Variants in TMEM201 observed in about 807,000 individuals in gnomAD.
TMEM201 encodes the protein transmembrane protein 201, also known as RP13-15M17.2.
TMEM201 carries 26 observed loss-of-function variants against 63.4 expected under a neutral mutation model. That is an observed-to-expected ratio of 0.41 (90% CI 0.30 to 0.57). The LOEUF (loss-of-function observed/expected upper bound fraction) is 0.57. Ranked by LOEUF, TMEM201 falls within the 20% of genes least tolerant of loss-of-function variation. The pLI, the probability that TMEM201 is intolerant of heterozygous loss-of-function variation, is 0.29. For missense variants in TMEM201, 794 were observed against 917.7 expected, an observed-to-expected ratio of 0.87 and a Z score of 1.74; for synonymous variants, 417 against 421.6, an observed-to-expected ratio of 0.99 and a Z score of 0.14.
chr1:9,613,080 C>T lies in TMEM201; in HGVS notation c.1998C>T (p.Arg666=), dbSNP rs1379757340. 1.3e-6 allele frequency: 2 copies of T among 1,550,580 alleles called. No individual in the cohort carries two copies. Among genetic ancestry groups the T allele is most frequent in the East Asian group, 2.4e-5 (1 of 40,934 alleles). The part of the protein sequence containing the change: ...FTSVFLYQSL[R] ...CGGTGTTTCTGTACCAGAGCCTGCG[C>T]TGACCCACCGTTGGAGCCCCTCGGA... Residue 666 remains arginine (R), a synonymous_variant, in exon 11 of 11, where the codon CGC becomes CGT. Coordinates refer to ENST00000340381, the MANE Select transcript of TMEM201 (RefSeq NM_001130924.3).
rs1046283000 is a variant in TMEM201 at position 9,603,663 on chromosome 1, G to A, written c.1160+1391G>A. The A allele has an allele frequency of 3.0e-6, 3 of 985,368 alleles. No homozygotes were observed. Among genetic ancestry groups the A allele is most frequent in the African/African-American group, 3.5e-5 (2 of 57,232 alleles). The allele number at this position is 985,368 out of a possible 1,614,324, so 61.0% of individuals were successfully genotyped here. The stretch of plus-strand genomic sequence containing the variant: ...ACCTGGGTCTGCCGGGATGGGTTGG[G>A]GGGGCAGGTGCCAGGCCTCACTGCT... On this transcript the variant is annotated intron_variant, in intron 6 of 10. Coordinates refer to ENST00000340381, the MANE Select transcript of TMEM201 (RefSeq NM_001130924.3). The surrounding 1 kb of genome is among the most constrained non-coding windows in gnomAD (Gnocchi z 4.5).
chr1:9,590,506 C>A (rs1643902266), intron 1 of TMEM201, among the ~76,000 whole-genome samples: 1 of 152,172 alleles, frequency 6.6e-6, no homozygotes, highest in Non-Finnish European at 1.5e-5. Context: ...GCTCACTGTG[C>A]CACACACTGC....
rs1399403685 is a variant in TMEM201 at position 9,611,833 on chromosome 1, A to G, written c.1846A>G (p.Thr616Ala). 7 of 1,550,374 alleles carry G rather than the reference A, an allele frequency of 4.5e-6. No individual in the cohort carries two copies. The highest frequency in any genetic ancestry group is 2.7e-5 in the African/African-American group (2 of 72,868). ...KKEDDSSQSS[T>A]CVVDTTTRGC... ...AGAGGACGACTCTTCCCAGTCATCT[A>G]CCTGTGTGGTGGACACCACCACCAG... Residue 616 changes from threonine (T) to alanine (A), a missense_variant, in exon 10 of 11, where the codon ACC (threonine) becomes GCC (alanine). By Grantham distance (58) the Thr-to-Ala change is moderately conservative. Transcript: ENST00000340381.
intron 3 of TMEM201, 90 bp downstream of exon 3, chr1:9,597,143 T>C: frequency 1.4e-6 from 2 of 1,421,362 alleles, no homozygotes; most frequent in Non-Finnish European, 1.9e-6. Flanking sequence ...GTGCTGACTC[T>C]GGTCCTCTGG....
At position 9,603,658 on chromosome 1, in the gene TMEM201, G is replaced by T. The variant is rs1254612387; in HGVS notation, c.1160+1386G>T. 20 of 985,518 alleles carry T rather than the reference G, an allele frequency of 2.0e-5. No individual in the cohort carries two copies. Among genetic ancestry groups the T allele is most frequent in the Admixed American group, 6.1e-5 (1 of 16,292 alleles). 61.0% of individuals were successfully genotyped at this position (985,518 alleles called of 1,614,324 possible). The stretch of plus-strand genomic sequence containing the variant: ...CCGTCACCTGGGTCTGCCGGGATGG[G>T]TTGGGGGGGCAGGTGCCAGGCCTCA... On this transcript the variant is annotated intron_variant, in intron 6 of 10. Transcript: ENST00000340381. The surrounding 1 kb of genome is among the most constrained non-coding windows in gnomAD (Gnocchi z 4.5).
chr1:9,600,270 T>G (rs1247034725), intron 4 of TMEM201, among the ~76,000 whole-genome samples: 2 of 152,156 alleles, frequency 1.3e-5, no homozygotes, highest in Non-Finnish European at 1.5e-5. Flanking sequence ...AAAAATTAGT[T>G]TTAGCCAGAT....
Position 9,610,050 on chromosome 1 carries a change from C to T in TMEM201, c.1465+139C>T. 2 of 752,652 alleles carry T rather than the reference C, an allele frequency of 2.7e-6. No individual in the cohort carries two copies. The highest frequency in any genetic ancestry group is 4.5e-6 in the Non-Finnish European group (2 of 442,296). 46.6% of individuals were successfully genotyped at this position (752,652 alleles called of 1,614,324 possible). A position where few individuals can be genotyped will look rare whatever the true frequency, so the allele number is the denominator to read the frequency against. ...ATCTCAGCCCTGGGCAAGTGACCTA[C>T]ACACCTGTGCCTCAGTTTCCTCTTG... On this transcript the variant is annotated intron_variant, in intron 8 of 10. Transcript: ENST00000340381. The surrounding 1 kb of genome is among the most constrained non-coding windows in gnomAD (Gnocchi z 4.9).
At chr1:9,600,509 C>A (rs145843499) in intron 4 of TMEM201, among the ~76,000 whole-genome samples, 1 of 152,162 alleles carries the variant, frequency 6.6e-6, no homozygotes, top group Non-Finnish European at 1.5e-5. Context: ...ACATAATAAA[C>A]GCGTGGTGAT....
intron 1 of TMEM201, among the ~76,000 whole-genome samples, chr1:9,589,593 C>T (rs1643886670): frequency 6.6e-6 from 1 of 152,230 alleles, no homozygotes; most frequent in South Asian, 2.1e-4. Flanking sequence ...GGGCTGCCTC[C>T]CAGAGGTGGG....
At chr1:9,594,041 G>C (rs1397103956) in intron 1 of TMEM201, among the ~76,000 whole-genome samples, 1 of 152,240 alleles carries the variant, frequency 6.6e-6, no homozygotes, top group Non-Finnish European at 1.5e-5. Context: ...TCGGCGCCCG[G>C]TGGCGCTGTC....
Position 9,613,116 on chromosome 1 carries a change from C to G in TMEM201, c.*33C>G, listed in dbSNP as rs1258318298. ...TTGGAGCCCCTCGGAGGGGAGCAACCCGGTGCCTGCTGCTTCACCACTGCC... is the reference window on the plus strand; with the variant it reads ...TTGGAGCCCCTCGGAGGGGAGCAACGCGGTGCCTGCTGCTTCACCACTGCC... On this transcript the variant is annotated 3_prime_UTR_variant, in exon 11 of 11. Coordinates refer to ENST00000340381, the MANE Select transcript of TMEM201 (RefSeq NM_001130924.3). 1.3e-6 allele frequency: 2 copies of G among 1,542,810 alleles called. No homozygotes were observed. The highest frequency in any genetic ancestry group is 1.8e-6 in the Non-Finnish European group (2 of 1,142,752).
chr1:9,590,348 C>T (rs1362020691), intron 1 of TMEM201, among the ~76,000 whole-genome samples: 1 of 152,236 alleles, frequency 6.6e-6, no homozygotes, highest in East Asian at 1.9e-4. Context: ...GCTGGTCCAG[C>T]ACCCGGTGTT....
chr1:9,598,362 T>TCAGG (rs1644065149), intron 3 of TMEM201, 87 bp from the exon 4 acceptor site: 1 of 1,494,706 alleles, frequency 6.7e-7, no homozygotes, highest in African/African-American at 1.4e-5. Context: ...AAGTGGCAGG[T>TCAGG]CAGGATCTGA....
At chr1:9,609,617 G>A (rs1644293142) in intron 7 of TMEM201, among the ~76,000 whole-genome samples, 2 of 152,208 alleles carry the variant, frequency 1.3e-5, no homozygotes. Flanking sequence ...TTACAGGCAT[G>A]AGCCACTGCG....
chr1:9,596,517 T>C lies in TMEM201; in HGVS notation c.235-342T>C, dbSNP rs140274914. 8.7e-3 allele frequency among the ~76,000 whole-genome samples: 1,332 copies of C among 152,322 alleles called. 70 individuals carry two copies. Among genetic ancestry groups the C allele is most frequent in the Admixed American group, 0.066 (1,008 of 15,304 alleles). On this transcript the variant is annotated intron_variant, in intron 2 of 10. Transcript: ENST00000340381. ...AAACAGGCAGCTCCTCCACGGGTCA[T>C]AGTGTGCTGTCCCCTGGACTAGACC...
rs1644007226 is a variant in TMEM201 at position 9,595,810 on chromosome 1, C to T, written c.114-80C>T. ...ACTCCCAGCACCCTTTCCCTGGTGG[C>T]CCTGGGGCAGGGCATGGAGGTCCCT... is the stretch of plus-strand genomic sequence containing the variant. On this transcript the variant is annotated intron_variant, in intron 1 of 10. Coordinates refer to ENST00000340381, the MANE Select transcript of TMEM201 (RefSeq NM_001130924.3). 11 of 1,591,980 alleles carry T rather than the reference C, an allele frequency of 6.9e-6. No homozygotes were observed. The South Asian group carries it at 1.1e-4, about 16-fold the overall frequency.
intron 6 of TMEM201, chr1:9,606,724 G>T (rs939834089): frequency 2.0e-5 from 3 of 152,346 alleles, no homozygotes; most frequent in African/African-American, 7.2e-5. Context: ...GTAATTGGGT[G>T]CCTTAATCAG....
rs541776330 is a variant in TMEM201 at position 9,591,599 on chromosome 1, A to G, written c.113+2556A>G. Among the ~76,000 whole-genome samples the G allele has an allele frequency of 3.9e-5, 6 of 152,326 alleles. No homozygotes were observed. The East Asian group carries it at 7.7e-4, about 20-fold the overall frequency. On this transcript the variant is annotated intron_variant, in intron 1 of 10. Coordinates refer to ENST00000340381, the MANE Select transcript of TMEM201 (RefSeq NM_001130924.3). ...TGCCCAGGATCCGTGCTCTGCCAGC[A>G]CATCCCTGCACACACCACCGCCCCG...
At chr1:9,592,528 AC>A (rs1353105266) in intron 1 of TMEM201, among the ~76,000 whole-genome samples, 1 of 152,070 alleles carries the variant, frequency 6.6e-6, no homozygotes, top group Non-Finnish European at 1.5e-5. Flanking sequence ...GGTTCCCCCT[AC>A]CTGGTGCTTT....
Sources: allele counts gnomAD v4.1 joint callset (sites outside exome capture counted in the v4.1 genomes callset), GRCh38; gene constraint gnomAD v4.1.1; non-coding constraint Gnocchi (gnomAD v3.1); transcripts MANE v1.5; gene names NCBI Gene and HGNC (gene_info 2026-07-23, HGNC 2026-07-21).